Variants in TNIK observed in about 807,000 individuals in gnomAD.
The protein encoded by TNIK is TRAF2 and NCK-interacting protein kinase.
A neutral mutation model predicts 191.3 loss-of-function variants in TNIK; 49 were observed. That is an observed-to-expected ratio of 0.26 (90% CI 0.20 to 0.32). The LOEUF is 0.32. Ranked by LOEUF, TNIK falls within the 10% of genes least tolerant of loss-of-function variation. The pLI is 1.00. For missense variants in TNIK, 1,155 were observed against 1,702.3 expected (o/e 0.68, Z 5.66); for synonymous variants, 594 against 600.9 (o/e 0.99, Z 0.17).
At chr3:171,128,666 T>C (rs759188169) in intron 16 of TNIK, 48 bp downstream of exon 16, 2 of 1,562,466 alleles carry the variant, frequency 1.3e-6, no homozygotes, top group African/African-American at 2.7e-5. Flanking sequence ...TAATAGGTTT[T>C]CTTGTGCAAC....
intron 1 of TNIK, among the ~76,000 whole-genome samples, chr3:171,390,748 A>G (rs1179755800): frequency 6.6e-6 from 1 of 152,210 alleles, no homozygotes; most frequent in Admixed American, 6.5e-5. Context: ...GGTGCATATT[A>G]ACCTCACACC....
intron 21 of TNIK, among the ~76,000 whole-genome samples, chr3:171,106,081 T>G (rs1482710579): frequency 6.6e-6 from 1 of 152,178 alleles, no homozygotes; most frequent in Non-Finnish European, 1.5e-5. Flanking sequence ...TCACTCTGGG[T>G]GGTGAGGTGG....
chr3:171,447,902 C>A (rs147235279), intron 1 of TNIK, among the ~76,000 whole-genome samples: 18 of 152,052 alleles, frequency 1.2e-4, no homozygotes, highest in Admixed American at 9.8e-4. Context: ...AAATGCTAAG[C>A]AGTCTAAAAA....
At chr3:171,090,405 T>C (rs1459779520) in intron 23 of TNIK, among the ~76,000 whole-genome samples, 1 of 151,436 alleles carries the variant, frequency 6.6e-6, no homozygotes, top group East Asian at 1.9e-4. Context: ...AATGTTCTTT[T>C]TTTTCTTTCT....
At position 171,061,018 on chromosome 3, in the gene TNIK, G is replaced by T. The variant is rs1284902307; in HGVS notation, c.*2863C>A. ...CACCTATAAAAAGATCAGAACTGAA[G>T]ATTTTTTTTGTTGAGATGCTATAAA... is the stretch of plus-strand genomic sequence containing the variant. On this transcript the variant is annotated 3_prime_UTR_variant, in exon 33 of 33. Transcript: ENST00000436636. Among the ~76,000 whole-genome samples, 1 of 152,036 alleles carries T rather than the reference G, an allele frequency of 6.6e-6. No homozygotes were observed. The highest frequency in any genetic ancestry group is 6.6e-5 in the Admixed American group (1 of 15,248).
At chr3:171,373,593 A>G (rs1464873112) in intron 1 of TNIK, among the ~76,000 whole-genome samples, 2 of 152,198 alleles carry the variant, frequency 1.3e-5, no homozygotes, top group African/African-American at 4.8e-5. Context: ...GACATTTCTA[A>G]TCATGACACT....
chr3:171,091,852 A>C (rs891533724), intron 23 of TNIK, among the ~76,000 whole-genome samples: 9 of 152,308 alleles, frequency 5.9e-5, no homozygotes, highest in African/African-American at 2.2e-4. Flanking sequence ...ACATTGAGGA[A>C]GGCAGAATTG....
intron 2 of TNIK, among the ~76,000 whole-genome samples, chr3:171,355,042 T>A (rs1228667589): frequency 1.3e-5 from 2 of 152,202 alleles, no homozygotes; most frequent in Non-Finnish European, 2.9e-5. Flanking sequence ...CTTGGTCACA[T>A]CTTAATTTAT....
At chr3:171,426,635 C>T (rs2108647036) in intron 1 of TNIK, among the ~76,000 whole-genome samples, 1 of 152,212 alleles carries the variant, frequency 6.6e-6, no homozygotes, top group African/African-American at 2.4e-5. Context: ...GTCTACCTTG[C>T]TTCAACCTCC....
intron 20 of TNIK, 94 bp downstream of exon 20, chr3:171,107,971 T>G: frequency 8.0e-7 from 1 of 1,257,644 alleles, no homozygotes; most frequent in Non-Finnish European, 1.1e-6. Context: ...CTCAACAATT[T>G]TTGTTTGCAT....
intron 5 of TNIK, 71 bp from the exon 6 acceptor site, chr3:171,190,858 T>C (rs1339469445): frequency 2.0e-5 from 25 of 1,230,312 alleles, no homozygotes; most frequent in Non-Finnish European, 2.5e-5. Context: ...ATTTTGACTG[T>C]TAAGGATCCA....
Position 171,101,517 on chromosome 3 carries a change from T to C in TNIK, c.2523A>G (p.Glu841=). The C allele has an allele frequency of 6.2e-7, 1 of 1,613,596 alleles. No individual in the cohort carries two copies. Among genetic ancestry groups the C allele is most frequent in the Non-Finnish European group, 8.5e-7 (1 of 1,179,594 alleles). ...TCTCGCTCTCTCCATCTTCCTCCTC[T>C]TCCTCGCTACTTTCTGACTCCTCAC... ...SSSEESESSE[E]EEEDGESETH... Residue 841 remains glutamate (E), a synonymous_variant, in exon 22 of 33, where the codon GAA becomes GAG. Transcript: ENST00000436636.
intron 19 of TNIK, among the ~76,000 whole-genome samples, chr3:171,110,092 G>A (rs578050855): frequency 6.0e-4 from 92 of 152,214 alleles, no homozygotes; most frequent in Non-Finnish European, 9.3e-4. Flanking sequence ...TTTTAGTAGC[G>A]ATGGGGTTTC....
intron 12 of TNIK, among the ~76,000 whole-genome samples, chr3:171,140,970 A>G (rs1210047335): frequency 2.6e-5 from 4 of 152,250 alleles, no homozygotes; most frequent in African/African-American, 9.6e-5. Context: ...AAAGCCATAC[A>G]GAATTGATGG....
chr3:171,168,676 C>T (rs1430698374), intron 9 of TNIK, among the ~76,000 whole-genome samples: 1 of 152,136 alleles, frequency 6.6e-6, no homozygotes, highest in Non-Finnish European at 1.5e-5. Flanking sequence ...GGGGTTGCCC[C>T]AGGATGAATC....
chr3:171,147,691 A>G (rs1731820630), intron 12 of TNIK, among the ~76,000 whole-genome samples: 1 of 152,200 alleles, frequency 6.6e-6, no homozygotes, highest in Non-Finnish European at 1.5e-5. Context: ...CTGTACTCAT[A>G]TTAACTCATT....
chr3:171,243,736 T>C (rs1577229206), intron 2 of TNIK, among the ~76,000 whole-genome samples: 1 of 152,238 alleles, frequency 6.6e-6, no homozygotes, highest in Non-Finnish European at 1.5e-5. Flanking sequence ...TATAAAAATA[T>C]GTATTTTTAT....
intron 1 of TNIK, among the ~76,000 whole-genome samples, chr3:171,426,060 T>C (rs955984959): frequency 3.3e-5 from 5 of 152,070 alleles, no homozygotes; most frequent in Admixed American, 6.5e-5. Flanking sequence ...ACTGGGTATA[T>C]ACCCAAAGGA....
intron 1 of TNIK, among the ~76,000 whole-genome samples, chr3:171,444,666 C>A (rs1168537043): frequency 6.6e-6 from 1 of 151,414 alleles, no homozygotes. Flanking sequence ...TTTTCAATTT[C>A]AAGTATCTTT....
Sources: allele counts gnomAD v4.1 joint callset (sites outside exome capture counted in the v4.1 genomes callset), GRCh38; gene constraint gnomAD v4.1.1; transcripts MANE v1.5; gene names NCBI Gene and HGNC (gene_info 2026-07-23, HGNC 2026-07-21).